The following TMEM266 variants were observed in gnomAD, a reference collection of about 807,000 sequenced individuals.
The protein encoded by TMEM266 is transmembrane protein 266, also known as Hv1 related protein 1.
Under a neutral mutation model 50.5 loss-of-function variants are expected in TMEM266, and 33 were observed. The ratio of observed to expected loss-of-function variants is 0.65; its 90% CI spans 0.50 to 0.87. The LOEUF (loss-of-function observed/expected upper bound fraction) is 0.87, where lower values mean the gene tolerates loss of function less well. Among genes scored for constraint, TMEM266 ranks in the 40% least tolerant of loss-of-function variants. TMEM266 has a pLI of 0.00. For missense variants in TMEM266, 655 were observed against 695.1 expected (o/e 0.94, Z 0.65); for synonymous variants, 310 against 292.3 (o/e 1.06, Z -0.62).
chr15:76,104,237 G>A (rs949711728), intron 1 of TMEM266, among the ~76,000 whole-genome samples: 1 of 151,726 alleles, frequency 6.6e-6, no homozygotes, highest in Non-Finnish European at 1.5e-5. Flanking sequence ...GGGAGTCATC[G>A]GCAAATAGAT....
chr15:76,155,559 A>G (rs1018068668), intron 3 of TMEM266, among the ~76,000 whole-genome samples: 1 of 152,172 alleles, frequency 6.6e-6, no homozygotes, highest in Non-Finnish European at 1.5e-5. Context: ...TCTGTGACAA[A>G]GGGTGTCACG....
chr15:76,085,668 T>C lies in TMEM266; in HGVS notation c.-97+25652T>C, dbSNP rs77029759. On this transcript the variant is annotated intron_variant, in intron 1 of 10. Transcript: ENST00000388942. ...TTGGAAAGTGTTTGACAGTCTCTTA[T>C]AAAGTTAAACATACACCTACCTGGC... Among the ~76,000 whole-genome samples, 10 of 152,328 alleles carry C rather than the reference T, an allele frequency of 6.6e-5. No homozygotes were observed. The East Asian group carries it at 1.9e-3, about 29-fold the overall frequency.
At chr15:76,166,590 C>T (rs781343842) in intron 5 of TMEM266, among the ~76,000 whole-genome samples, 3 of 152,212 alleles carry the variant, frequency 2.0e-5, no homozygotes, top group African/African-American at 7.2e-5. Context: ...GCTCTGGGTG[C>T]GCTGTCTGCT....
chr15:76,088,472 G>A (rs1431592567), intron 1 of TMEM266, among the ~76,000 whole-genome samples: 1 of 152,140 alleles, frequency 6.6e-6, no homozygotes, highest in Admixed American at 6.5e-5. Flanking sequence ...GGGCAACAGA[G>A]GGAGACCTTG....
chr15:76,069,741 C>T (rs1315971652), intron 1 of TMEM266, among the ~76,000 whole-genome samples: 2 of 151,902 alleles, frequency 1.3e-5, no homozygotes, highest in African/African-American at 2.4e-5. Flanking sequence ...TTGCTTGAAC[C>T]CGAGAGGTGG....
At chr15:76,138,039 T>A (rs1256496387) in intron 3 of TMEM266, 144 bp downstream of exon 3, 9 of 713,808 alleles carry the variant, frequency 1.3e-5, no homozygotes, top group African/African-American at 1.9e-5. Context: ...CTGGCCAACA[T>A]GGTAAAACCC....
Position 76,085,362 on chromosome 15 carries a change from A to G in TMEM266, c.-97+25346A>G, listed in dbSNP as rs537886136. ...AACCTCCACCTCCTGGGTTCAAGCT[A>G]TTCTCGTGCCTCAGCCTCCTGAGTA... On this transcript the variant is annotated intron_variant, in intron 1 of 10. Coordinates refer to ENST00000388942, the MANE Select transcript of TMEM266 (RefSeq NM_152335.3). 7.9e-5 allele frequency among the ~76,000 whole-genome samples: 12 copies of G among 151,026 alleles called. No individual in the cohort carries two copies. The South Asian group carries it at 2.5e-3, about 32-fold the overall frequency.
chr15:76,112,747 G>A (rs1008235628), intron 1 of TMEM266: 2 of 152,184 alleles, frequency 1.3e-5, no homozygotes, highest in Admixed American at 1.3e-4. Flanking sequence ...AAATTTGGCA[G>A]ATAAAAATAT....
At chr15:76,075,977 C>T (rs2036602836) in intron 1 of TMEM266, among the ~76,000 whole-genome samples, 1 of 150,476 alleles carries the variant, frequency 6.6e-6, no homozygotes, top group Non-Finnish European at 1.5e-5. Flanking sequence ...CTCCCTCAAC[C>T]CCCCGAGTAG....
At position 76,153,658 on chromosome 15, in the gene TMEM266, G is replaced by A. The variant is rs986528182; in HGVS notation, c.228-2946G>A. 5.9e-5 allele frequency among the ~76,000 whole-genome samples: 9 copies of A among 152,064 alleles called. No individual in the cohort carries two copies. Among genetic ancestry groups the A allele is most frequent in the Non-Finnish European group, 1.2e-4 (8 of 68,016 alleles). On this transcript the variant is annotated intron_variant, in intron 3 of 10. Coordinates refer to ENST00000388942, the MANE Select transcript of TMEM266 (RefSeq NM_152335.3). This position sits in a 1 kb window ranked among gnomAD's most constrained non-coding sequence, Gnocchi z 4.2. ...AACCGGCTTCCGGGGGCGCTGAGGC[G>A]GCTGGAGGCTGGGTGTGAACTTGGG...
intron 1 of TMEM266, among the ~76,000 whole-genome samples, chr15:76,083,945 G>T (rs780685098): frequency 6.6e-6 from 1 of 152,268 alleles, no homozygotes; most frequent in Non-Finnish European, 1.5e-5. Flanking sequence ...GTCAGGCTCT[G>T]TATGTTATTG....
intron 7 of TMEM266, chr15:76,175,113 G>A (rs1006818272): frequency 6.4e-6 from 1 of 157,226 alleles, no homozygotes; most frequent in South Asian, 1.9e-4. Flanking sequence ...CTAAGTGGTT[G>A]CCCCGTTTTC....
At chr15:76,130,114 G>C (rs1211585168) in intron 1 of TMEM266, among the ~76,000 whole-genome samples, 5 of 150,746 alleles carry the variant, frequency 3.3e-5, no homozygotes, top group African/African-American at 1.2e-4. Context: ...AGCTACTCTG[G>C]GGGCTGATGG....
chr15:76,125,274 A>C (rs2037403493), intron 1 of TMEM266, among the ~76,000 whole-genome samples: 2 of 152,152 alleles, frequency 1.3e-5, no homozygotes. Flanking sequence ...CAAAAGCAAA[A>C]ATAAACAAGC....
At position 76,161,580 on chromosome 15, in the gene TMEM266, G is replaced by A. The variant is rs2142051947; in HGVS notation, c.456+1412G>A. On this transcript the variant is annotated intron_variant, in intron 5 of 10. Transcript: ENST00000388942. The surrounding 1 kb of genome is among the most constrained non-coding windows in gnomAD (Gnocchi z 4.1). ...GCCGGGCAGCAGGCATTCCAAGCATGGAACATTCCCTTTCCTGGGCCTCGC... is the reference window on the plus strand; with the variant it reads ...GCCGGGCAGCAGGCATTCCAAGCATAGAACATTCCCTTTCCTGGGCCTCGC... 6.6e-6 allele frequency among the ~76,000 whole-genome samples: 1 copy of A among 152,274 alleles called. No individual in the cohort carries two copies. Among genetic ancestry groups the A allele is most frequent in the East Asian group, 1.9e-4 (1 of 5,176 alleles).
At position 76,203,907 on chromosome 15, in the gene TMEM266, G is replaced by A. The variant is rs865824399; in HGVS notation, c.1188G>A (p.Arg396=). 1 of 1,614,022 alleles carries A rather than the reference G, an allele frequency of 6.2e-7. No individual in the cohort carries two copies. The highest frequency in any genetic ancestry group is 8.5e-7 in the Non-Finnish European group (1 of 1,180,006). Residue 396 remains arginine, a synonymous_variant, in exon 11 of 11, where the codon CGG becomes CGA. Coordinates refer to ENST00000388942, the MANE Select transcript of TMEM266 (RefSeq NM_152335.3). ...GTGCCTCCCGCAGCTCAGTCACCCG[G>A]GCCCAGAGTGACAGCAGCCAGACGC...
intron 1 of TMEM266, among the ~76,000 whole-genome samples, chr15:76,105,114 C>T (rs74935933): frequency 0.031 from 4,728 of 152,120 alleles, 106 homozygotes; most frequent in Non-Finnish European, 0.049. Flanking sequence ...GGCGTGGTGG[C>T]GCACACCTAT....
At chr15:76,151,636 G>C (rs1345432296) in intron 3 of TMEM266, among the ~76,000 whole-genome samples, 2 of 152,080 alleles carry the variant, frequency 1.3e-5, no homozygotes, top group African/African-American at 4.8e-5. Flanking sequence ...GCTTGACCCT[G>C]GCTTGCCTTC....
chr15:76,199,433 A>G (rs1354576686), intron 9 of TMEM266, among the ~76,000 whole-genome samples: 2 of 152,222 alleles, frequency 1.3e-5, no homozygotes, highest in African/African-American at 4.8e-5. Flanking sequence ...CTCTGGGCTG[A>G]GCCCAGCAAG....
Sources: gnomAD v4.1 joint callset for allele counts (sites outside exome capture counted in the v4.1 genomes callset) on GRCh38, gnomAD v4.1.1 for gene constraint, Gnocchi (gnomAD v3.1) non-coding constraint, MANE v1.5 for transcripts, NCBI Gene and HGNC (gene_info 2026-07-23, HGNC 2026-07-21) for gene names.